CFAP251: variants seen among roughly 807,000 people sequenced by gnomAD.
CFAP251 encodes cilia and flagella associated protein 251.
Under a neutral mutation model 126.7 loss-of-function variants are expected in CFAP251, and 93 were observed. That is an observed-to-expected ratio of 0.73 (90% CI 0.62 to 0.87). The LOEUF is 0.87. Among genes scored for constraint, CFAP251 ranks in the 40% least tolerant of loss-of-function variants. CFAP251 has a pLI of 0.00. For missense variants in CFAP251, 1,287 were observed against 1,389.2 expected (o/e 0.93, Z 1.17); for synonymous variants, 503 against 506.9 (o/e 0.99, Z 0.10).
chr12:121,955,918 G>C (rs547431982), intron 10 of CFAP251: 1 of 152,230 alleles, frequency 6.6e-6, no homozygotes, highest in East Asian at 1.9e-4. Flanking sequence ...GGAAATACTT[G>C]GTCAGTATTG....
intron 19 of CFAP251, among the ~76,000 whole-genome samples, chr12:121,978,199 T>C (rs1882517970): frequency 1.3e-5 from 2 of 150,680 alleles, no homozygotes; most frequent in African/African-American, 2.4e-5. Context: ...GAGACCATCC[T>C]GGCTAACACG....
chr12:121,963,802 G>T (rs1055088546), intron 15 of CFAP251, among the ~76,000 whole-genome samples: 15 of 151,254 alleles, frequency 9.9e-5, no homozygotes, highest in Admixed American at 4.0e-4. Context: ...AACAGGGCAG[G>T]ACTTGACCCT....
At chr12:121,960,854 T>G in intron 14 of CFAP251, 96 bp downstream of exon 14, 1 of 1,397,316 alleles carries the variant, frequency 7.2e-7, no homozygotes, top group Non-Finnish European at 9.8e-7. Flanking sequence ...CCACAGTACG[T>G]GTGTTTGTTG....
chr12:121,952,554 T>C (rs144175597), intron 9 of CFAP251: 1 of 152,050 alleles, frequency 6.6e-6, no homozygotes, highest in Non-Finnish European at 1.5e-5. Flanking sequence ...AAGAGGGAGG[T>C]GAACCAGATG....
chr12:121,987,047 T>C (rs962185306), intron 19 of CFAP251, among the ~76,000 whole-genome samples: 3 of 152,214 alleles, frequency 2.0e-5, no homozygotes, highest in Admixed American at 1.3e-4. Context: ...GATGGAGGTC[T>C]GTAGCCAAGT....
intron 1 of CFAP251, among the ~76,000 whole-genome samples, chr12:121,920,918 G>A (rs537462456): frequency 9.9e-5 from 15 of 151,758 alleles, no homozygotes; most frequent in African/African-American, 3.4e-4. Context: ...GTATGATCTT[G>A]GCTCACTGCA....
intron 19 of CFAP251, chr12:121,999,154 G>A (rs1391679991): frequency 6.6e-6 from 1 of 151,992 alleles, no homozygotes; most frequent in Non-Finnish European, 1.5e-5. Flanking sequence ...TGTGGTTTCT[G>A]TCCTTTATTC....
At chr12:121,928,373 A>G (rs950565259) in intron 3 of CFAP251, among the ~76,000 whole-genome samples, 1 of 152,006 alleles carries the variant, frequency 6.6e-6, no homozygotes, top group Non-Finnish European at 1.5e-5. Flanking sequence ...ATTATAGGGA[A>G]TGAGCAGATG....
chr12:121,954,223 T>G lies in CFAP251; in HGVS notation c.1424T>G (p.Ile475Arg). ...GAAGGGAAGCTGGTTGTCTGGGACA[T>G]ACACCGCCCACCCTCATCTGCCTCC... ...TMEGKLVVWD[I>R]HRPPSSASTF... Residue 475 changes from isoleucine (I) to arginine (R), a missense_variant, in exon 10 of 22, where the codon ATA (isoleucine) becomes AGA (arginine). By Grantham distance (97) the Ile-to-Arg change is moderately conservative. Coordinates refer to ENST00000288912, the MANE Select transcript of CFAP251 (RefSeq NM_144668.6). The G allele has an allele frequency of 6.2e-7, 1 of 1,614,174 alleles. No homozygotes were observed. Among genetic ancestry groups the G allele is most frequent in the Non-Finnish European group, 8.5e-7 (1 of 1,180,042 alleles).
At chr12:121,931,997 A>C (rs1592966424) in intron 4 of CFAP251, 111 bp downstream of exon 4, 1 of 1,128,454 alleles carries the variant, frequency 8.9e-7, no homozygotes. Context: ...GTATTTTCCC[A>C]CTCTCCTTGG....
At chr12:121,997,865 C>T (rs1883056803) in intron 19 of CFAP251, 1 of 151,686 alleles carries the variant, frequency 6.6e-6, no homozygotes. Flanking sequence ...GATTCTCCTG[C>T]CTCAGCCCCC....
intron 8 of CFAP251, chr12:121,950,608 A>G (rs1052957751): frequency 6.6e-6 from 1 of 152,010 alleles, no homozygotes; most frequent in Non-Finnish European, 1.5e-5. Context: ...TCCAGGCTGC[A>G]GTGCAGTGGT....
intron 19 of CFAP251, among the ~76,000 whole-genome samples, chr12:121,982,409 C>CAAAAAAA (rs797002995): frequency 1.3e-4 from 19 of 148,336 alleles, no homozygotes; most frequent in African/African-American, 4.5e-4. Context: ...GACGGAGTTT[C>CAAAAAAA]ACTCTTGTTG....
chr12:121,953,951 A>C (rs1184871443), intron 9 of CFAP251, 169 bp from the exon 10 acceptor site: 3 of 660,926 alleles, frequency 4.5e-6, no homozygotes, highest in Non-Finnish European at 7.6e-6. Context: ...CCAGAGGTTC[A>C]GAACTGCCTG....
At chr12:121,978,907 G>A (rs907782854) in intron 19 of CFAP251, among the ~76,000 whole-genome samples, 1 of 152,126 alleles carries the variant, frequency 6.6e-6, no homozygotes, top group African/African-American at 2.4e-5. Context: ...TAGAATTACT[G>A]GGTCAGAGAA....
chr12:121,924,119 T>TG (rs1487498192), intron 3 of CFAP251, 129 bp downstream of exon 3: 2 of 968,222 alleles, frequency 2.1e-6, no homozygotes, highest in Middle Eastern at 3.7e-4. Context: ...TAGACTTGTG[T>TG]TTTTTTTTTT....
chr12:121,932,059 C>A, intron 4 of CFAP251, 173 bp downstream of exon 4: 1 of 506,594 alleles, frequency 2.0e-6, no homozygotes, highest in East Asian at 3.7e-5. Context: ...TATTGTCTCT[C>A]TGTTTCTAAT....
intron 19 of CFAP251, among the ~76,000 whole-genome samples, chr12:121,995,042 A>G (rs1882993126): frequency 6.6e-6 from 1 of 152,254 alleles, no homozygotes; most frequent in African/African-American, 2.4e-5. Flanking sequence ...TATGTTAAGC[A>G]CTTTACGTAC....
At chr12:121,954,064 A>C in intron 9 of CFAP251, 56 bp from the exon 10 acceptor site, 3 of 1,442,604 alleles carry the variant, frequency 2.1e-6, no homozygotes, top group Non-Finnish European at 2.9e-6. Flanking sequence ...CGTATTGATA[A>C]ATGCTTTGTT....
Sources: allele counts gnomAD v4.1 joint callset (sites outside exome capture counted in the v4.1 genomes callset), GRCh38; gene constraint gnomAD v4.1.1; transcripts MANE v1.5; gene names NCBI Gene and HGNC (gene_info 2026-07-23, HGNC 2026-07-21).